The following TG variants were observed in gnomAD, a reference collection of about 807,000 sequenced individuals.
TG encodes the protein thyroid hormones.
A neutral mutation model predicts 324.7 loss-of-function variants in TG; 270 were observed. That is an observed-to-expected ratio of 0.83 (90% CI 0.75 to 0.92). The LOEUF (loss-of-function observed/expected upper bound fraction) is 0.92. Ranked by LOEUF, TG falls within the 40% of genes least tolerant of loss-of-function variation. The probability of loss-of-function intolerance (pLI) is 0.00; values close to 1 mark genes in which losing one functional copy is unlikely to be tolerated. For synonymous variants in TG, 1,401 were observed against 1,327.0 expected (o/e 1.06, Z -1.21); for missense variants, 3,591 against 3,456.4 (o/e 1.04, Z -0.98).
In TG at chr8:132,873,115, A is replaced by C; in HGVS notation, c.532A>C (p.Lys178Gln). ...TCGTCTTCTCCACGGGGTGGGAGAT[A>C]AGTCACCACCCCAGTGTTCTGCGGA... ...NRRLLHGVGD[K>Q]SPPQCSAEGE... The change falls in exon 5 of 48, where the codon AAG (lysine) becomes CAG (glutamine). Residue 178 changes from lysine (K) to glutamine (Q), a missense_variant. Coordinates refer to ENST00000220616, the MANE Select transcript of TG (RefSeq NM_003235.5). 2 of 1,614,162 alleles carry C rather than the reference A, an allele frequency of 1.2e-6. No individual in the cohort carries two copies. The highest frequency in any genetic ancestry group is 1.7e-6 in the Non-Finnish European group (2 of 1,180,026).
At chr8:133,101,534 C>T (rs1411546831) in intron 43 of TG, among the ~76,000 whole-genome samples, 1 of 152,292 alleles carries the variant, frequency 6.6e-6, no homozygotes, top group African/African-American at 2.4e-5. Context: ...CCCACCCAGC[C>T]CCTCCTGCCC....
At chr8:133,112,285 T>G (rs1389152694) in intron 43 of TG, among the ~76,000 whole-genome samples, 1 of 152,272 alleles carries the variant, frequency 6.6e-6, no homozygotes, top group Admixed American at 6.5e-5. Context: ...CACACCAGAG[T>G]GTGCTGATAA....
At position 132,898,250 on chromosome 8, in the gene TG, A is replaced by C; in HGVS notation, c.3217+4A>C. The stretch of plus-strand genomic sequence containing the variant: ...CGCTCTCTGCAGATTCCACAGTGTA[A>C]GTGAAGACTGCAGAGTTCTCCTCCT... On this transcript the variant is annotated splice_donor_region_variant and intron_variant, in intron 13 of 47. Transcript: ENST00000220616. 1 of 1,590,676 alleles carries C rather than the reference A, an allele frequency of 6.3e-7. No individual in the cohort carries two copies. Among genetic ancestry groups the C allele is most frequent in the African/African-American group, 1.3e-5 (1 of 74,770 alleles).
intron 41 of TG, among the ~76,000 whole-genome samples, chr8:133,045,552 G>T (rs548132306): frequency 2.0e-5 from 3 of 151,952 alleles, no homozygotes; most frequent in African/African-American, 7.2e-5. Flanking sequence ...GCGCCACCAC[G>T]CCCAGTTAAT....
At chr8:133,129,048 C>T (rs577291033) in intron 45 of TG, among the ~76,000 whole-genome samples, 1 of 152,326 alleles carries the variant, frequency 6.6e-6, no homozygotes, top group East Asian at 1.9e-4. Context: ...CCAGAGGGTC[C>T]TGGAACTCCC....
At chr8:132,889,896 T>G (rs1279511607) in intron 10 of TG, among the ~76,000 whole-genome samples, 1 of 152,024 alleles carries the variant, frequency 6.6e-6, no homozygotes, top group Non-Finnish European at 1.5e-5. Flanking sequence ...CCTGCCTCAG[T>G]CTCTTAAGTA....
intron 27 of TG, among the ~76,000 whole-genome samples, chr8:132,951,129 T>G (rs1303833655): frequency 6.6e-6 from 1 of 152,224 alleles, no homozygotes; most frequent in Non-Finnish European, 1.5e-5. Flanking sequence ...GTGGTATTGA[T>G]ATTAGATGAT....
At chr8:132,939,127 G>A (rs889412094) in intron 25 of TG, among the ~76,000 whole-genome samples, 9 of 151,766 alleles carry the variant, frequency 5.9e-5, no homozygotes, top group Non-Finnish European at 1.5e-5. Context: ...ACCAAGGGGA[G>A]CTGAGATGTG....
intron 41 of TG, among the ~76,000 whole-genome samples, chr8:133,034,398 G>T (rs1836897868): frequency 6.6e-6 from 1 of 152,096 alleles, no homozygotes; most frequent in South Asian, 2.1e-4. Flanking sequence ...TATTATCAAT[G>T]CTGTCTTCTT....
chr8:132,972,485 A>G, intron 33 of TG, 113 bp from the exon 34 acceptor site: 1 of 1,250,168 alleles, frequency 8.0e-7, no homozygotes, highest in Non-Finnish European at 1.1e-6. Flanking sequence ...ATAGTGGTGT[A>G]TCCCAAATGT....
intron 30 of TG, 80 bp from the exon 31 acceptor site, chr8:132,967,714 C>T (rs1413480222): frequency 6.6e-7 from 1 of 1,510,720 alleles, no homozygotes; most frequent in African/African-American, 1.4e-5. Context: ...AGGCATTTCC[C>T]CACCCAGAGA....
intron 23 of TG, 115 bp from the exon 24 acceptor site, chr8:132,933,434 TTGTGTGTGTGTG>T (rs370957018): frequency 1.9e-5 from 13 of 681,642 alleles, no homozygotes; most frequent in South Asian, 1.4e-4. Context: ...ATCTGCATAT[TTGTGTGTGTGTG>T]TGTGTGTGTG....
chr8:133,001,473 T>C (rs139303151), intron 35 of TG, among the ~76,000 whole-genome samples: 3 of 152,330 alleles, frequency 2.0e-5, no homozygotes, highest in Non-Finnish European at 4.4e-5. Flanking sequence ...TCTCCTCCCA[T>C]TTTCATTCTG....
At chr8:132,945,693 A>T (rs1215837353) in intron 26 of TG, among the ~76,000 whole-genome samples, 3 of 152,168 alleles carry the variant, frequency 2.0e-5, no homozygotes, top group Non-Finnish European at 4.4e-5. Context: ...ATGAACAGCT[A>T]CATAACAGGT....
At chr8:132,968,795 C>T (rs1829024605) in intron 31 of TG, among the ~76,000 whole-genome samples, 1 of 152,208 alleles carries the variant, frequency 6.6e-6, no homozygotes, top group Admixed American at 6.5e-5. Context: ...GGGGCACGAA[C>T]CTGGCTCCTG....
At chr8:132,971,259 G>C (rs1176080698) in intron 32 of TG, among the ~76,000 whole-genome samples, 1 of 152,156 alleles carries the variant, frequency 6.6e-6, no homozygotes, top group Non-Finnish European at 1.5e-5. Flanking sequence ...AAACCGAAAT[G>C]CATTGGTAGA....
chr8:132,972,069 T>C (rs1001577326), intron 33 of TG, among the ~76,000 whole-genome samples, 196 bp downstream of exon 33: 3 of 152,218 alleles, frequency 2.0e-5, no homozygotes, highest in South Asian at 2.1e-4. Flanking sequence ...ATCATCACTT[T>C]ACATGTGCAG....
chr8:132,884,558 GGTTATATT>G (rs1206994456), intron 8 of TG, among the ~76,000 whole-genome samples: 3 of 152,132 alleles, frequency 2.0e-5, no homozygotes, highest in African/African-American at 7.2e-5. Context: ...CATGGTATGT[GGTTATATT>G]CTATCTGCTA....
intron 35 of TG, among the ~76,000 whole-genome samples, chr8:132,985,388 C>G (rs1275752621): frequency 3.3e-5 from 5 of 152,090 alleles, no homozygotes; most frequent in Non-Finnish European, 7.4e-5. Context: ...GTCCTGGAAC[C>G]AGTTACCCAT....
Sources: allele counts gnomAD v4.1 joint callset (sites outside exome capture counted in the v4.1 genomes callset), GRCh38; gene constraint gnomAD v4.1.1; transcripts MANE v1.5; gene names NCBI Gene and HGNC (gene_info 2026-07-23, HGNC 2026-07-21).